The following FSBP variants were observed in gnomAD, a reference collection of about 807,000 sequenced individuals.
FSBP encodes fibrinogen silencer-binding protein.
FSBP carries 18 observed loss-of-function variants against 24.6 expected under a neutral mutation model. The ratio of observed to expected loss-of-function variants is 0.73; its 90% confidence interval spans 0.51 to 1.08. The LOEUF (loss-of-function observed/expected upper bound fraction) is 1.08. FSBP is among the 50% of genes least tolerant of loss of function. The pLI, the probability that FSBP is intolerant of heterozygous loss-of-function variation, is 0.00. For missense variants in FSBP, 305 were observed against 347.6 expected (o/e 0.88, Z 0.98); for synonymous variants, 110 against 125.8 (o/e 0.87, Z 0.84).
At chr8:94,433,499 A>G (rs1055620286) in intron 1 of FSBP, among the ~76,000 whole-genome samples, 2 of 152,124 alleles carry the variant, frequency 1.3e-5, no homozygotes, top group Admixed American at 1.3e-4. Context: ...CTATACAGAT[A>G]TATTAAAGGT....
At position 94,428,717 on chromosome 8, in the gene FSBP, G is replaced by C. The variant is rs1376022980; in HGVS notation, c.*3414C>G. ...TCAATCTGCAGATGTGAAACCTGCAGATAGAAAGCCAAGTGTACATTCCAT... is the reference window on the plus strand; with the variant it reads ...TCAATCTGCAGATGTGAAACCTGCACATAGAAAGCCAAGTGTACATTCCAT... On this transcript the variant is annotated 3_prime_UTR_variant, in exon 2 of 2. Transcript: ENST00000481490. 4.1e-6 allele frequency: 4 copies of C among 971,878 alleles called. No homozygotes were observed. The highest frequency in any genetic ancestry group is 4.9e-6 in the Non-Finnish European group (4 of 817,796). The allele number at this position is 971,878 out of a possible 1,614,324, so 60.2% of individuals were successfully genotyped here.
rs1472484452 is a variant in FSBP, at chr8:94,429,536, T to G, written c.*2595A>C. The G allele has an allele frequency of 1.0e-6, 1 of 984,408 alleles. No homozygotes were observed. The highest frequency in any genetic ancestry group is 1.2e-6 in the Non-Finnish European group (1 of 829,094). 61.0% of individuals were successfully genotyped at this position (984,408 alleles called of 1,614,324 possible). A position where few individuals can be genotyped will look rare whatever the true frequency, so the allele number is the denominator to read the frequency against. On this transcript the variant is annotated 3_prime_UTR_variant, in exon 2 of 2. Transcript: ENST00000481490. The stretch of plus-strand genomic sequence containing the variant: ...TCAATTCTTAGTAGCATGCTGAAAC[T>G]GTAAAGTGAATTACATCTCATATAT...
intron 1 of FSBP, among the ~76,000 whole-genome samples, 198 bp from the exon 2 acceptor site, chr8:94,432,854 C>A (rs1011919856): frequency 1.3e-5 from 2 of 152,140 alleles, no homozygotes; most frequent in Admixed American, 1.3e-4. Flanking sequence ...ACTCACAGAT[C>A]TCCCCCATCC....
intron 1 of FSBP, among the ~76,000 whole-genome samples, chr8:94,433,646 CAT>C (rs1812177933): frequency 6.6e-6 from 1 of 151,720 alleles, no homozygotes; most frequent in South Asian, 2.1e-4. Context: ...GTTTTATAAA[CAT>C]AATTTTATGT....
In FSBP at chr8:94,429,147, AT is replaced by A; in HGVS notation, c.*2983del. 1.0e-6 allele frequency: 1 copy of A among 974,138 alleles called. No homozygotes were observed. The highest frequency in any genetic ancestry group is 1.2e-6 in the Non-Finnish European group (1 of 819,638). The allele number at this position is 974,138 out of a possible 1,614,324, so 60.3% of individuals were successfully genotyped here. A position where few individuals can be genotyped will look rare whatever the true frequency, so the allele number is the denominator to read the frequency against. ...AAGAGTGTGATTCTGGTGTTTAAAA[AT>A]ATGTAAAAATAGGTTTCTTATTGTA... On this transcript the variant is annotated 3_prime_UTR_variant, in exon 2 of 2. Transcript: ENST00000481490.
chr8:94,432,657 C>A lies in FSBP; in HGVS notation c.375-1G>T, dbSNP rs1318695910. 1 of 1,500,244 alleles carries A rather than the reference C, an allele frequency of 6.7e-7. No homozygotes were observed. Among genetic ancestry groups the A allele is most frequent in the Non-Finnish European group, 8.9e-7 (1 of 1,123,188 alleles). 92.9% of individuals were successfully genotyped at this position (1,500,244 alleles called of 1,614,324 possible). On this transcript the variant is annotated splice_acceptor_variant, in intron 1 of 1. Transcript: ENST00000481490. LOFTEE classifies it high-confidence loss of function. The stretch of plus-strand genomic sequence containing the variant: ...CTGTGCCTCCTCATCCAAGTTTGCA[C>A]TATAGCACACAAAAAAGCATTATAA...
chr8:94,432,983 C>A (rs1033602841), intron 1 of FSBP, among the ~76,000 whole-genome samples: 6 of 152,094 alleles, frequency 3.9e-5, no homozygotes. Flanking sequence ...ATCTTTCCCA[C>A]AACCCTAAGG....
At position 94,427,933 on chromosome 8, in the gene FSBP, A is replaced by T. The variant is rs954005272; in HGVS notation, c.*4198T>A. Reference sequence around the variant, plus strand: ...TAGAACAGGGTAGAATGACTCCTTAAAAAAAAAAATGAAATAACACCAAGT... The same window carrying T: ...TAGAACAGGGTAGAATGACTCCTTATAAAAAAAAATGAAATAACACCAAGT... On this transcript the variant is annotated 3_prime_UTR_variant, in exon 2 of 2. Transcript: ENST00000481490. 5 of 778,030 alleles carry T rather than the reference A, an allele frequency of 6.4e-6. No individual in the cohort carries two copies. Among genetic ancestry groups the T allele is most frequent in the East Asian group, 2.2e-4 (1 of 4,458 alleles). The allele number at this position is 778,030 out of a possible 1,614,324, so 48.2% of individuals were successfully genotyped here.
Position 94,431,853 on chromosome 8 carries a change from G to C in FSBP, c.*278C>G. On this transcript the variant is annotated 3_prime_UTR_variant, in exon 2 of 2. Coordinates refer to ENST00000481490, the MANE Select transcript of FSBP (RefSeq NM_001256141.2). ...AGAATATGTGTTTGTATATGCATTT[G>C]TGTATATCTTAGTGATCAGAATAAA... 8 of 1,093,232 alleles carry C rather than the reference G, an allele frequency of 7.3e-6. No homozygotes were observed. The highest frequency in any genetic ancestry group is 7.8e-6 in the Non-Finnish European group (7 of 892,678). 67.7% of individuals were successfully genotyped at this position (1,093,232 alleles called of 1,614,324 possible).
At chr8:94,433,387 C>T (rs531907235) in intron 1 of FSBP, among the ~76,000 whole-genome samples, 3 of 151,968 alleles carry the variant, frequency 2.0e-5, no homozygotes, top group African/African-American at 7.2e-5. Flanking sequence ...ATACTCAGTA[C>T]CTAGCAGGTA....
At position 94,430,324 on chromosome 8, in the gene FSBP, A is replaced by G. The variant is rs1256182886; in HGVS notation, c.*1807T>C. ...AGACTCCATCTCAAAAAAAAAAAAA[A>G]AAAGTATTTAATGTAATTCATAATC... On this transcript the variant is annotated 3_prime_UTR_variant, in exon 2 of 2. Coordinates refer to ENST00000481490, the MANE Select transcript of FSBP (RefSeq NM_001256141.2). The G allele has an allele frequency of 3.1e-6, 3 of 978,756 alleles. No individual in the cohort carries two copies. Among genetic ancestry groups the G allele is most frequent in the African/African-American group, 1.8e-5 (1 of 56,998 alleles). The allele number at this position is 978,756 out of a possible 1,614,324, so 60.6% of individuals were successfully genotyped here. A position where few individuals can be genotyped will look rare whatever the true frequency, so the allele number is the denominator to read the frequency against.
At position 94,431,316 on chromosome 8, in the gene FSBP, T is replaced by C. The variant is rs973006988; in HGVS notation, c.*815A>G. On this transcript the variant is annotated 3_prime_UTR_variant, in exon 2 of 2. Coordinates refer to ENST00000481490, the MANE Select transcript of FSBP (RefSeq NM_001256141.2). ...TAAATCACACAGCCAAAATATATAA[T>C]AGCTTCAATGGAATACCTTATCTAT... 3.1e-6 allele frequency: 3 copies of C among 976,420 alleles called. No homozygotes were observed. The highest frequency in any genetic ancestry group is 3.7e-6 in the Non-Finnish European group (3 of 821,818). 60.5% of individuals were successfully genotyped at this position (976,420 alleles called of 1,614,324 possible). A position where few individuals can be genotyped will look rare whatever the true frequency, so the allele number is the denominator to read the frequency against.
In FSBP at chr8:94,432,184, T is replaced by A. The variant is rs1486129393; in HGVS notation, c.847A>T (p.Lys283Ter). 6.5e-7 allele frequency: 1 copy of A among 1,550,292 alleles called. No homozygotes were observed. The highest frequency in any genetic ancestry group is 2.0e-5 in the Admixed American group (1 of 50,982). ...ELLRAKIEVE[K>*]LKAIRLRHDL... ...TGCCGTAAGCGAATTGCTTTCAGCT[T>A]CTCCACTTCAATTTTTGCTCTTAGT... The change falls in exon 2 of 2, where the codon AAG becomes TAG. Residue 283 changes from lysine to a stop codon, truncating the protein, a stop_gained. Transcript: ENST00000481490. LOFTEE classifies it high-confidence loss of function.
intron 1 of FSBP, 104 bp from the exon 2 acceptor site, chr8:94,432,760 A>AAACTAT (rs1225892310): frequency 7.6e-7 from 1 of 1,317,086 alleles, no homozygotes; most frequent in Non-Finnish European, 9.8e-7. Flanking sequence ...TAAAGCTTTA[A>AAACTAT]AACTATAAAG....
rs1480230301 is a variant in FSBP, at chr8:94,436,624, T to G, written c.245A>C (p.Glu82Ala). 6.4e-7 allele frequency: 1 copy of G among 1,550,438 alleles called. No individual in the cohort carries two copies. Among genetic ancestry groups the G allele is most frequent in the African/African-American group, 1.4e-5 (1 of 73,040 alleles). ...YKRLKEYAKQ[E>A]LLQQKETQSD... ...TTGGGTCTCTTTTTGCTGCAATAGC[T>G]CCTGTTTGGCATATTCTTTGAGCCT... Residue 82 changes from glutamate (E) to alanine (A), a missense_variant, in exon 1 of 2, where the codon GAG (glutamate) becomes GCG (alanine). Transcript: ENST00000481490.
At chr8:94,434,281 A>G (rs1812198302) in intron 1 of FSBP, among the ~76,000 whole-genome samples, 1 of 151,888 alleles carries the variant, frequency 6.6e-6, no homozygotes, top group Non-Finnish European at 1.5e-5. Context: ...AATATGCCTC[A>G]TATCTGGAAC....
At position 94,436,427 on chromosome 8, in the gene FSBP, C is replaced by T. The variant is rs184366330; in HGVS notation, c.374+68G>A. The T allele has an allele frequency of 5.1e-4, 739 of 1,454,856 alleles. 1 individual carries two copies. Among genetic ancestry groups the T allele is most frequent in the Non-Finnish European group, 4.9e-4 (545 of 1,108,232 alleles). The allele number at this position is 1,454,856 out of a possible 1,614,324, so 90.1% of individuals were successfully genotyped here. ...ATGCTTACTATGCATATCTCTATCA[C>T]GACTAAGCCAAAGCCCAATAGATAG... On this transcript the variant is annotated intron_variant, in intron 1 of 1. Transcript: ENST00000481490.
chr8:94,428,129 GAT>G lies in FSBP; in HGVS notation c.*4000_*4001del. On this transcript the variant is annotated 3_prime_UTR_variant, in exon 2 of 2. Coordinates refer to ENST00000481490, the MANE Select transcript of FSBP (RefSeq NM_001256141.2). ...ATTACATTCATATGGATAAGAGAAA[GAT>G]AGGAAAGTGGCTATCCACTATCTAA... is the stretch of plus-strand genomic sequence containing the variant. The G allele has an allele frequency of 1.1e-6, 1 of 898,302 alleles. No homozygotes were observed. The highest frequency in any genetic ancestry group is 1.3e-6 in the Non-Finnish European group (1 of 750,808). 55.6% of individuals were successfully genotyped at this position (898,302 alleles called of 1,614,324 possible).
Position 94,428,480 on chromosome 8 carries a change from A to G in FSBP, c.*3651T>C, listed in dbSNP as rs1812000045. 1 of 256,770 alleles carries G rather than the reference A, an allele frequency of 3.9e-6. No individual in the cohort carries two copies. 15.9% of individuals were successfully genotyped at this position (256,770 alleles called of 1,614,324 possible). A position where few individuals can be genotyped will look rare whatever the true frequency, so the allele number is the denominator to read the frequency against. On this transcript the variant is annotated 3_prime_UTR_variant, in exon 2 of 2. Transcript: ENST00000481490. Reference sequence around the variant, plus strand: ...ACATACAATTTACACACATCCTTCCATATACTTTAAATCATCTCTAGATTA... The same window carrying G: ...ACATACAATTTACACACATCCTTCCGTATACTTTAAATCATCTCTAGATTA...
Sources: allele counts gnomAD v4.1 joint callset (sites outside exome capture counted in the v4.1 genomes callset), GRCh38; gene constraint gnomAD v4.1.1; transcripts MANE v1.5; gene names NCBI Gene and HGNC (gene_info 2026-07-23, HGNC 2026-07-21).